CACNA1C: variants seen among roughly 807,000 people sequenced by gnomAD.
The protein encoded by CACNA1C is voltage-dependent L-type calcium channel subunit alpha-1C.
In CACNA1C, 30 loss-of-function variants were observed where a neutral mutation model predicts 229.0. The observed-to-expected ratio is 0.13, with a 90% CI of 0.10 to 0.18. The LOEUF is 0.18. Ranked by LOEUF, CACNA1C falls within the 10% of genes least tolerant of loss-of-function variation. The pLI, the probability that CACNA1C is intolerant of heterozygous loss-of-function variation, is 1.00. For synonymous variants in CACNA1C, 1,114 were observed against 1,132.5 expected (o/e 0.98, Z 0.33); for missense variants, 1,658 against 2,845.0 (o/e 0.58, Z 9.49).
chr12:2,001,960 C>A (rs970501885), intron 1 of CACNA1C, among the ~76,000 whole-genome samples: 1 of 152,162 alleles, frequency 6.6e-6, no homozygotes, highest in Non-Finnish European at 1.5e-5. Context: ...CTGGAAAATA[C>A]CAGGGTTATG....
chr12:2,222,990 G>T (rs1267711573), intron 3 of CACNA1C, among the ~76,000 whole-genome samples: 1 of 152,132 alleles, frequency 6.6e-6, no homozygotes, highest in African/African-American at 2.4e-5. Context: ...CTTTTTAATG[G>T]ACCCTAAACA....
chr12:2,407,593 ACTGGGG>A, intron 3 of CACNA1C, among the ~76,000 whole-genome samples: 1 of 56,038 alleles, frequency 1.8e-5, no homozygotes, highest in South Asian at 7.1e-4. Context: ...CCATGTGGGT[ACTGGGG>A]AGCCTCATCA....
chr12:1,982,206 CCTTTTT>C (rs2036352063), intron 1 of CACNA1C, among the ~76,000 whole-genome samples: 1 of 152,044 alleles, frequency 6.6e-6, no homozygotes, highest in Admixed American at 6.5e-5. Context: ...AGTATTTTTT[CCTTTTT>C]TATTGTGTTA....
intron 3 of CACNA1C, among the ~76,000 whole-genome samples, chr12:2,255,283 A>AT (rs1383609298): frequency 6.6e-6 from 1 of 152,090 alleles, no homozygotes; most frequent in Non-Finnish European, 1.5e-5. Context: ...AAAAAAAAAA[A>AT]AAACCTAGTT....
chr12:2,307,474 G>A (rs1221658904), intron 3 of CACNA1C, among the ~76,000 whole-genome samples: 30 of 152,184 alleles, frequency 2.0e-4, no homozygotes, highest in Admixed American at 2.0e-3. Flanking sequence ...AGTACTCATG[G>A]TCTTTCGGCT....
intron 1 of CACNA1C, among the ~76,000 whole-genome samples, chr12:2,006,714 G>A (rs2043531608): frequency 6.6e-6 from 1 of 152,188 alleles, no homozygotes; most frequent in African/African-American, 2.4e-5. Context: ...TGACTCCCAA[G>A]CCTAACTTCC....
intron 2 of CACNA1C, among the ~76,000 whole-genome samples, chr12:2,117,899 G>A (rs1000870081): frequency 2.6e-5 from 4 of 152,218 alleles, no homozygotes; most frequent in Admixed American, 6.5e-5. Context: ...TGGCTGGACA[G>A]GGAAGGAGAT....
intron 3 of CACNA1C, among the ~76,000 whole-genome samples, chr12:2,351,593 G>A (rs2097204045): frequency 6.6e-6 from 1 of 152,212 alleles, no homozygotes; most frequent in African/African-American, 2.4e-5. Context: ...AGGGTCCAGG[G>A]CGTGGCTGGC....
chr12:2,377,545 G>A (rs2238082), intron 3 of CACNA1C, among the ~76,000 whole-genome samples: 5,177 of 152,218 alleles, frequency 0.034, 177 homozygotes, highest in African/African-American at 0.082. Context: ...CATGGTTCGC[G>A]TTGCAATTTC....
chr12:2,513,917 A>AT (rs1441360171), intron 9 of CACNA1C, among the ~76,000 whole-genome samples: 1 of 152,138 alleles, frequency 6.6e-6, no homozygotes, highest in Non-Finnish European at 1.5e-5. Flanking sequence ...ACCACTCTCT[A>AT]TATCTCATTT....
At chr12:2,429,711 G>GAT (rs2099064743) in intron 3 of CACNA1C, among the ~76,000 whole-genome samples, 1 of 152,180 alleles carries the variant, frequency 6.6e-6, no homozygotes, top group Non-Finnish European at 1.5e-5. Context: ...TTTGCAAGGG[G>GAT]TGCTTGGAGC....
intron 20 of CACNA1C, among the ~76,000 whole-genome samples, chr12:2,596,804 C>A (rs1259322340): frequency 6.6e-6 from 1 of 152,116 alleles, no homozygotes; most frequent in Non-Finnish European, 1.5e-5. Context: ...CAGCTCAGTC[C>A]CACCAACGTG....
intron 1 of CACNA1C, among the ~76,000 whole-genome samples, chr12:2,098,137 T>C (rs2075024840): frequency 1.3e-5 from 2 of 152,210 alleles, no homozygotes; most frequent in Admixed American, 1.3e-4. Flanking sequence ...CCCACCGAAC[T>C]TGGGGAGGAG....
At chr12:2,149,089 A>G (rs2094988345) in intron 3 of CACNA1C, among the ~76,000 whole-genome samples, 1 of 152,172 alleles carries the variant, frequency 6.6e-6, no homozygotes, top group African/African-American at 2.4e-5. Flanking sequence ...CAGCAGAGGA[A>G]ACCTTGCAAG....
At chr12:2,077,266 A>T (rs73046492) in intron 1 of CACNA1C, among the ~76,000 whole-genome samples, 1,543 of 152,322 alleles carry the variant, frequency 0.01, 15 homozygotes, top group Non-Finnish European at 0.015. Context: ...TAGGGTTCAG[A>T]CTTTGCAATT....
chr12:2,467,463 C>G lies in CACNA1C; in HGVS notation c.757+9757C>G, dbSNP rs1445925136. Reference sequence around the variant, plus strand: ...TCAGGGCTGCTGATCTTTGCTGCCCCCAGGTCTCCCAGCCTCCCCAGAAGG... The same window carrying G: ...TCAGGGCTGCTGATCTTTGCTGCCCGCAGGTCTCCCAGCCTCCCCAGAAGG... On this transcript the variant is annotated intron_variant, in intron 5 of 46. Coordinates refer to ENST00000399655, the MANE Select transcript of CACNA1C (RefSeq NM_000719.7). This position sits in a 1 kb window ranked among gnomAD's most constrained non-coding sequence, Gnocchi z 4.6. Among the ~76,000 whole-genome samples, 1 of 152,132 alleles carries G rather than the reference C, an allele frequency of 6.6e-6. No homozygotes were observed. Among genetic ancestry groups the G allele is most frequent in the African/African-American group, 2.4e-5 (1 of 41,432 alleles).
At chr12:2,655,893 A>G (rs893474135) in intron 34 of CACNA1C, among the ~76,000 whole-genome samples, 11 of 152,234 alleles carry the variant, frequency 7.2e-5, no homozygotes, top group Non-Finnish European at 1.6e-4. Context: ...AAAATTCAAC[A>G]TCCTTTCATG....
intron 3 of CACNA1C, among the ~76,000 whole-genome samples, chr12:2,312,386 G>A (rs948137676): frequency 7.9e-5 from 12 of 152,132 alleles, no homozygotes; most frequent in African/African-American, 2.2e-4. Flanking sequence ...AGTTGTTGCC[G>A]GTTCCTCCCT....
intron 3 of CACNA1C, among the ~76,000 whole-genome samples, chr12:2,310,350 A>AT (rs1555425823): frequency 6.3e-4 from 80 of 127,328 alleles, no homozygotes; most frequent in East Asian, 1.3e-3. Flanking sequence ...GTTAAAAAAA[A>AT]AAATATATAT....
Sources: allele counts gnomAD v4.1 joint callset (sites outside exome capture counted in the v4.1 genomes callset), GRCh38; gene constraint gnomAD v4.1.1; non-coding constraint Gnocchi (gnomAD v3.1); transcripts MANE v1.5; gene names NCBI Gene and HGNC (gene_info 2026-07-23, HGNC 2026-07-21).